The following GRIP2 variants were observed in gnomAD, a reference collection of about 807,000 sequenced individuals.
The protein encoded by GRIP2 is glutamate receptor interacting protein 2, also known as glutamate receptor-interacting protein 2.
A neutral mutation model predicts 108.3 loss-of-function variants in GRIP2; 58 were observed. That is an observed-to-expected ratio of 0.54 (90% CI 0.43 to 0.67). The LOEUF (loss-of-function observed/expected upper bound fraction) is 0.67, where lower values mean the gene tolerates loss of function less well. GRIP2 is among the 30% of genes least tolerant of loss of function. GRIP2 has a pLI of 0.00. For synonymous variants in GRIP2, 586 were observed against 598.2 expected (o/e 0.98, Z 0.30); for missense variants, 1,278 against 1,430.6 (o/e 0.89, Z 1.72).
the GRIP2 span, among the ~76,000 whole-genome samples, chr3:14,567,383 C>T: frequency 6.6e-6 from 1 of 152,178 alleles, no homozygotes. Context: ...TCCCTCATGC[C>T]CTCCCTGGGG....
the GRIP2 span, among the ~76,000 whole-genome samples, chr3:14,567,663 G>A: frequency 6.6e-6 from 1 of 152,180 alleles, no homozygotes; most frequent in East Asian, 1.9e-4. Flanking sequence ...TGATGACAGC[G>A]GTATAATCCA....
chr3:14,585,556 C>A, the GRIP2 span, among the ~76,000 whole-genome samples: 1 of 152,126 alleles, frequency 6.6e-6, no homozygotes, highest in Non-Finnish European at 1.5e-5. Flanking sequence ...GGCAGAGCCA[C>A]CTTGTCCTAG....
chr3:14,599,144 C>T, the GRIP2 span, among the ~76,000 whole-genome samples: 5 of 152,194 alleles, frequency 3.3e-5, no homozygotes, highest in African/African-American at 1.2e-4. Flanking sequence ...TTCTTGTTCA[C>T]AGTTTTATCC....
At position 14,511,238 on chromosome 3, in the gene GRIP2, C is replaced by G; in HGVS notation, c.1860G>C (p.Glu620Asp). Residue 620 changes from glutamate to aspartate, a missense_variant, in exon 16 of 24, where the codon GAG (glutamate) becomes GAC (aspartate). Glu to Asp is a conservative substitution (Grantham distance 45). Transcript: ENST00000621039. This position sits in a 1 kb window ranked among gnomAD's most constrained non-coding sequence, Gnocchi z 4.1. ...DNIRLDNCPMEDAVQILRQCE... is the reference protein window; with the variant it reads ...DNIRLDNCPMDDAVQILRQCE... ...ACTGCCGCAGGATTTGCACGGCGTC[C>G]TCCATGGGGCAGTTGTCCAGGCGGA... The G allele has an allele frequency of 6.2e-7, 1 of 1,614,022 alleles. No individual in the cohort carries two copies. The highest frequency in any genetic ancestry group is 8.5e-7 in the Non-Finnish European group (1 of 1,179,892).
chr3:14,532,045 T>G (rs1694722289), intron 1 of GRIP2, among the ~76,000 whole-genome samples: 1 of 152,132 alleles, frequency 6.6e-6, no homozygotes, highest in Non-Finnish European at 1.5e-5. Context: ...CTTAGCCTAG[T>G]GTTAGCAGAA....
chr3:14,503,525 C>T (rs756939167), intron 21 of GRIP2, 41 bp downstream of exon 21: 2 of 1,440,638 alleles, frequency 1.4e-6, no homozygotes, highest in Non-Finnish European at 1.9e-6. Flanking sequence ...AGTGAACAGC[C>T]CCGGGTGCCC....
At chr3:14,602,789 C>A in the GRIP2 span, among the ~76,000 whole-genome samples, 1 of 151,782 alleles carries the variant, frequency 6.6e-6, no homozygotes, top group African/African-American at 2.4e-5. The surrounding 1 kb of genome is among the most constrained non-coding windows in gnomAD (Gnocchi z 4.7). Flanking sequence ...CCTCGGGTGC[C>A]GGCGCCTGTC....
At chr3:14,514,704 G>C (rs1484679337) in intron 11 of GRIP2, among the ~76,000 whole-genome samples, 1 of 152,230 alleles carries the variant, frequency 6.6e-6, no homozygotes, top group Non-Finnish European at 1.5e-5. Flanking sequence ...AAGGACTAGG[G>C]AAGACAGTGG....
At chr3:14,572,947 A>G in the GRIP2 span, 11 of 1,437,370 alleles carry the variant, frequency 7.7e-6, no homozygotes, top group Admixed American at 1.3e-4. Context: ...ACAGGATAGA[A>G]GTAGAAGAGG....
the GRIP2 span, among the ~76,000 whole-genome samples, chr3:14,587,554 G>A: frequency 1.3e-5 from 2 of 151,288 alleles, no homozygotes; most frequent in South Asian, 2.1e-4. Flanking sequence ...CAGGAGAATC[G>A]CTTGAACCTG....
At chr3:14,513,565 AG>A in intron 13 of GRIP2, 99 bp downstream of exon 13, 1 of 1,419,496 alleles carries the variant, frequency 7.0e-7, no homozygotes, top group East Asian at 2.5e-5. Flanking sequence ...CTGGGCACAG[AG>A]GGGGATGGGG....
At chr3:14,554,907 T>C (rs1374721539) in intron 1 of GRIP2, among the ~76,000 whole-genome samples, 1 of 152,118 alleles carries the variant, frequency 6.6e-6, no homozygotes, top group Admixed American at 6.5e-5. Context: ...TGGTGCTGAG[T>C]GCATGTCTGT....
rs762955114 is a variant in GRIP2 at position 14,525,676 on chromosome 3, C to T, written c.122-104G>A. On this transcript the variant is annotated intron_variant, in intron 2 of 23. Transcript: ENST00000621039. ...AGCACCTGGTTGGTAGGGCACTCTG[C>T]TGCATTGCCCTGGGTGATGATCACC... The T allele has an allele frequency of 3.6e-6, 5 of 1,396,352 alleles. No homozygotes were observed. In the South Asian group the frequency reaches 3.7e-5, roughly 10 times the overall value. 86.5% of individuals were successfully genotyped at this position (1,396,352 alleles called of 1,614,324 possible).
chr3:14,519,594 C>G (rs572415385), intron 9 of GRIP2, among the ~76,000 whole-genome samples: 1 of 152,234 alleles, frequency 6.6e-6, no homozygotes, highest in South Asian at 2.1e-4. Context: ...CCACCCCCCA[C>G]CCTGCCCCTG....
At chr3:14,568,885 T>G in the GRIP2 span, among the ~76,000 whole-genome samples, 1 of 152,134 alleles carries the variant, frequency 6.6e-6, no homozygotes, top group Non-Finnish European at 1.5e-5. Context: ...GGCTCCAACC[T>G]CGGCTCTGCC....
At chr3:14,495,865 G>A (rs1693586517) in intron 22 of GRIP2, among the ~76,000 whole-genome samples, 1 of 152,150 alleles carries the variant, frequency 6.6e-6, no homozygotes, top group Non-Finnish European at 1.5e-5. Flanking sequence ...ATAACTTAAG[G>A]CCAGGCACAG....
At chr3:14,570,812 C>T in the GRIP2 span, among the ~76,000 whole-genome samples, 1 of 152,220 alleles carries the variant, frequency 6.6e-6, no homozygotes, top group African/African-American at 2.4e-5. Context: ...TGGCGCTCGA[C>T]CTGATGTGCA....
chr3:14,506,806 C>T lies in GRIP2; in HGVS notation c.2393G>A (p.Gly798Asp), dbSNP rs773140847. The T allele has an allele frequency of 8.2e-6, 13 of 1,594,478 alleles. No individual in the cohort carries two copies. Among genetic ancestry groups the T allele is most frequent in the Middle Eastern group, 3.3e-4 (2 of 6,042 alleles). ...CAAGGGCCCCAAGGTATTACCTGGG[C>T]CCCCAAAGCCACCCTCGGTGGCCGA... ...DSSATEGGFGGPGSYTPQAAA... is the reference protein window; with the variant it reads ...DSSATEGGFGDPGSYTPQAAA... Residue 798 changes from glycine to aspartate, a missense_variant, in exon 19 of 24, where the codon GGC (glycine) becomes GAC (aspartate). Physicochemically the swap from Gly to Asp is moderately conservative, Grantham distance 94 (BLOSUM62 -1). Transcript: ENST00000621039.
At chr3:14,543,251 A>G (rs533448335), upstream of GRIP2, among the ~76,000 whole-genome samples, 22 of 152,346 alleles carry the variant, frequency 1.4e-4, no homozygotes, top group Middle Eastern at 3.4e-3. Context: ...AGCTTGTCAG[A>G]CACGCAGATG....
Sources: gnomAD v4.1 joint callset for allele counts (sites outside exome capture counted in the v4.1 genomes callset) on GRCh38, gnomAD v4.1.1 for gene constraint, Gnocchi (gnomAD v3.1) non-coding constraint, MANE v1.5 for transcripts, NCBI Gene and HGNC (gene_info 2026-07-23, HGNC 2026-07-21) for gene names.